Variants in GLP1R observed in about 807,000 individuals in gnomAD.
The protein encoded by GLP1R is glucagon like peptide 1 receptor.
In GLP1R, 32 loss-of-function variants were observed where a neutral mutation model predicts 68.4. That is an observed-to-expected ratio of 0.47 (90% CI 0.35 to 0.63). The LOEUF (loss-of-function observed/expected upper bound fraction) is 0.63, where lower values mean the gene tolerates loss of function less well. GLP1R is among the 20% of genes least tolerant of loss of function. The probability of loss-of-function intolerance (pLI) is 0.00; values close to 1 mark genes in which losing one functional copy is unlikely to be tolerated. For synonymous variants in GLP1R, 263 were observed against 244.4 expected, an observed-to-expected ratio of 1.08 and a Z score of -0.71; for missense variants, 502 against 594.9, an observed-to-expected ratio of 0.84 and a Z score of 1.62.
Position 39,086,166 on chromosome 6 carries a change from G to GACAC in GLP1R, c.*129_*132dup, listed in dbSNP as rs34093988. ...ACTCCCAGGGACAAGGGAAGGAAGG[G>GACAC]ACACACACACACACACACACACACA... On this transcript the variant is annotated 3_prime_UTR_variant, in exon 13 of 13. Coordinates refer to ENST00000373256, the MANE Select transcript of GLP1R (RefSeq NM_002062.5). The surrounding 1 kb of genome is among the most constrained non-coding windows in gnomAD (Gnocchi z 4.5). 0.049 allele frequency: 28,493 copies of GACAC among 579,168 alleles called. 447 individuals carry two copies. Among genetic ancestry groups the GACAC allele is most frequent in the African/African-American group, 0.07 (3,316 of 47,478 alleles). 35.9% of individuals were successfully genotyped at this position (579,168 alleles called of 1,614,324 possible).
At chr6:39,064,812 T>A (rs1768457033) in intron 3 of GLP1R, among the ~76,000 whole-genome samples, 1 of 152,170 alleles carries the variant, frequency 6.6e-6, no homozygotes, top group Non-Finnish European at 1.5e-5. Context: ...CTCTGTTAGT[T>A]TCCATCTATG....
intron 3 of GLP1R, among the ~76,000 whole-genome samples, chr6:39,063,064 C>T (rs145545587): frequency 6.6e-6 from 1 of 152,302 alleles, no homozygotes; most frequent in African/African-American, 2.4e-5. Flanking sequence ...CAGGCTGAGT[C>T]CTGGGTATGC....
chr6:39,063,665 GAAGA>G (rs1006162219), intron 3 of GLP1R, among the ~76,000 whole-genome samples: 11 of 152,130 alleles, frequency 7.2e-5, no homozygotes, highest in African/African-American at 2.7e-4. Flanking sequence ...GGAAGGAGGA[GAAGA>G]AAGAGCAGGG....
In GLP1R at chr6:39,065,751, C is replaced by T. The variant is rs1414614758; in HGVS notation, c.324C>T (p.Gly108=). The change falls in exon 4 of 13, where the codon GGC becomes GGT. Residue 108 remains glycine, a synonymous_variant. Coordinates refer to ENST00000373256, the MANE Select transcript of GLP1R (RefSeq NM_002062.5). The part of the protein sequence containing the change: ...GHVYRFCTAE[G]LWLQKDNSSL... Reference sequence around the variant, plus strand: ...TGTACCGGTTCTGCACAGCTGAAGGCCTCTGGCTGCAGAAGGACAACTCCA... The same window carrying T: ...TGTACCGGTTCTGCACAGCTGAAGGTCTCTGGCTGCAGAAGGACAACTCCA... The T allele has an allele frequency of 6.3e-7, 1 of 1,581,116 alleles. No homozygotes were observed. Among genetic ancestry groups the T allele is most frequent in the Non-Finnish European group, 8.6e-7 (1 of 1,163,298 alleles).
chr6:39,086,249 G>A lies in GLP1R; in HGVS notation c.*176G>A, dbSNP rs950951339. 1.8e-6 allele frequency: 1 copy of A among 569,734 alleles called. No individual in the cohort carries two copies. The highest frequency in any genetic ancestry group is 3.1e-6 in the Non-Finnish European group (1 of 325,138). 35.3% of individuals were successfully genotyped at this position (569,734 alleles called of 1,614,324 possible). ...CCCAAACCCATCAGACAGGTAAATG[G>A]GCAGTGCCTCCTGGGACCATGGACA... On this transcript the variant is annotated 3_prime_UTR_variant, in exon 13 of 13. Transcript: ENST00000373256. This position sits in a 1 kb window ranked among gnomAD's most constrained non-coding sequence, Gnocchi z 4.5.
chr6:39,078,023 C>A (rs1076734), intron 7 of GLP1R, among the ~76,000 whole-genome samples: 7,443 of 152,150 alleles, frequency 0.049, 251 homozygotes, highest in South Asian at 0.072. Flanking sequence ...GTGTCTGTGG[C>A]CTGGTAACTT....
intron 7 of GLP1R, among the ~76,000 whole-genome samples, chr6:39,076,593 G>A (rs1768835630): frequency 1.3e-5 from 2 of 152,160 alleles, no homozygotes; most frequent in African/African-American, 4.8e-5. Context: ...AATGGTGACA[G>A]GAAAGGCTAT....
chr6:39,079,745 T>G lies in GLP1R; in HGVS notation c.1182+43T>G. 1.3e-6 allele frequency: 2 copies of G among 1,563,680 alleles called. No individual in the cohort carries two copies. Among genetic ancestry groups the G allele is most frequent in the Non-Finnish European group, 1.8e-6 (2 of 1,139,298 alleles). On this transcript the variant is annotated intron_variant, in intron 11 of 12. Coordinates refer to ENST00000373256, the MANE Select transcript of GLP1R (RefSeq NM_002062.5). The surrounding 1 kb of genome is among the most constrained non-coding windows in gnomAD (Gnocchi z 4.5). ...GACACTTGCTTGTAAAGTCCTAGAG[T>G]GGGGGTGGGACAGACACCAGCCTGC...
In GLP1R at chr6:39,086,200, CACACATACA is replaced by C; in HGVS notation, c.*128_*136del. The C allele has an allele frequency of 1.9e-6, 1 of 513,936 alleles. No individual in the cohort carries two copies. Among genetic ancestry groups the C allele is most frequent in the Non-Finnish European group, 3.1e-6 (1 of 323,560 alleles). The allele number at this position is 513,936 out of a possible 1,614,324, so 31.8% of individuals were successfully genotyped here. ...ACACACACACACACACACACACACA[CACACATACA>C]TCCTGCTTTCCCTCCCCAAACCCAT... On this transcript the variant is annotated 3_prime_UTR_variant, in exon 13 of 13. Coordinates refer to ENST00000373256, the MANE Select transcript of GLP1R (RefSeq NM_002062.5). This position sits in a 1 kb window ranked among gnomAD's most constrained non-coding sequence, Gnocchi z 4.5.
intron 7 of GLP1R, 36 bp from the exon 8 acceptor site, chr6:39,078,286 A>G (rs777939702): frequency 6.6e-7 from 1 of 1,524,730 alleles, no homozygotes; most frequent in Non-Finnish European, 9.1e-7. Context: ...CTGGCCTGCC[A>G]GCCCCTCTCC....
chr6:39,062,687 A>G (rs1189346696), intron 3 of GLP1R, among the ~76,000 whole-genome samples: 1 of 152,216 alleles, frequency 6.6e-6, no homozygotes, highest in Non-Finnish European at 1.5e-5. Context: ...CACATGCCAC[A>G]TTCTTTCCTA....
chr6:39,082,247 T>C (rs982853318), intron 12 of GLP1R, among the ~76,000 whole-genome samples: 2 of 152,312 alleles, frequency 1.3e-5, no homozygotes, highest in South Asian at 4.1e-4. Flanking sequence ...GTTTACTGCA[T>C]ATAAGGTGCT....
At chr6:39,078,914 T>A in intron 8 of GLP1R, 43 bp from the exon 9 acceptor site, 1 of 1,547,586 alleles carries the variant, frequency 6.5e-7, no homozygotes, top group Non-Finnish European at 8.9e-7. Context: ...GGGGGTCCTG[T>A]GAGTCCTGCT....
rs1768935070 is a variant in GLP1R at position 39,079,553 on chromosome 6, C to T, written c.1044-11C>T. 9 of 1,583,986 alleles carry T rather than the reference C, an allele frequency of 5.7e-6. No homozygotes were observed. Among genetic ancestry groups the T allele is most frequent in the East Asian group, 2.3e-5 (1 of 44,398 alleles). ...TCCAGAATGACTCGAGATCTCTGCC[C>T]TGCCCCTCAGACTTGCCAAGTCCAC... On this transcript the variant is annotated splice_polypyrimidine_tract_variant and intron_variant, in intron 10 of 12. Coordinates refer to ENST00000373256, the MANE Select transcript of GLP1R (RefSeq NM_002062.5). The surrounding 1 kb of genome is among the most constrained non-coding windows in gnomAD (Gnocchi z 4.5).
intron 5 of GLP1R, among the ~76,000 whole-genome samples, chr6:39,070,341 C>T (rs954579730): frequency 5.3e-5 from 8 of 152,278 alleles, no homozygotes; most frequent in African/African-American, 9.6e-5. Context: ...TTCCATATTC[C>T]GTTGTATAAT....
At chr6:39,071,219 G>T (rs1015762025) in intron 5 of GLP1R, among the ~76,000 whole-genome samples, 1 of 151,736 alleles carries the variant, frequency 6.6e-6, no homozygotes. Flanking sequence ...GGTGGCACCC[G>T]CCTGTAATCC....
At chr6:39,051,724 T>G (rs1768092875) in intron 1 of GLP1R, among the ~76,000 whole-genome samples, 1 of 152,006 alleles carries the variant, frequency 6.6e-6, no homozygotes, top group South Asian at 2.1e-4. Context: ...GTAGGCTATA[T>G]GAACCCCCAG....
chr6:39,070,900 G>A (rs1335455309), intron 5 of GLP1R, among the ~76,000 whole-genome samples: 1 of 151,976 alleles, frequency 6.6e-6, no homozygotes, highest in Non-Finnish European at 1.5e-5. Flanking sequence ...ATGCACAGAA[G>A]TTCTTCATTT....
In GLP1R at chr6:39,073,592, CCCTT is replaced by C. The variant is rs1768730790; in HGVS notation, c.664-14_664-11del. ...GGGCAGAGCTGTTGTCCCCATGACA[CCCTT>C]CCTCTACCCCCAGGACTCTCTGAGC... On this transcript the variant is annotated splice_polypyrimidine_tract_variant and intron_variant, in intron 6 of 12. Coordinates refer to ENST00000373256, the MANE Select transcript of GLP1R (RefSeq NM_002062.5). The C allele has an allele frequency of 6.2e-7, 1 of 1,611,936 alleles. No homozygotes were observed. Among genetic ancestry groups the C allele is most frequent in the East Asian group, 2.2e-5 (1 of 44,862 alleles).
Sources: gnomAD v4.1 joint callset for allele counts (sites outside exome capture counted in the v4.1 genomes callset) on GRCh38, gnomAD v4.1.1 for gene constraint, Gnocchi (gnomAD v3.1) non-coding constraint, MANE v1.5 for transcripts, NCBI Gene and HGNC (gene_info 2026-07-23, HGNC 2026-07-21) for gene names.